USP25: variants seen among roughly 807,000 people sequenced by gnomAD.
USP25 encodes ubiquitin carboxyl-terminal hydrolase 25.
USP25 carries 85 observed loss-of-function variants against 158.5 expected under a neutral mutation model. The observed-to-expected ratio is 0.54, with a 90% CI of 0.45 to 0.64. The LOEUF (loss-of-function observed/expected upper bound fraction) is 0.64. Ranked by LOEUF, USP25 falls within the 30% of genes least tolerant of loss-of-function variation. USP25 has a pLI of 0.00. For synonymous variants in USP25, 464 were observed against 460.4 expected, an observed-to-expected ratio of 1.01 and a Z score of -0.10; for missense variants, 1,242 against 1,327.3, an observed-to-expected ratio of 0.94 and a Z score of 1.00.
chr21:15,859,341 C>T (rs1438156808), intron 20 of USP25, among the ~76,000 whole-genome samples: 1 of 151,736 alleles, frequency 6.6e-6, no homozygotes, highest in African/African-American at 2.4e-5. Flanking sequence ...TACAGGCTCC[C>T]GCCACCACGC....
At chr21:15,792,457 T>C (rs1237182877) in intron 5 of USP25, among the ~76,000 whole-genome samples, 1 of 151,722 alleles carries the variant, frequency 6.6e-6, no homozygotes, top group Non-Finnish European at 1.5e-5. Context: ...TTTGTGTTCG[T>C]TTTTGTGTGA....
chr21:15,842,767 A>C (rs1205419146), intron 18 of USP25, among the ~76,000 whole-genome samples: 1 of 152,200 alleles, frequency 6.6e-6, no homozygotes, highest in Non-Finnish European at 1.5e-5. Context: ...TCTGCTAGAG[A>C]ATTCTAATGA....
intron 1 of USP25, among the ~76,000 whole-genome samples, chr21:15,748,443 G>T (rs2123288810): frequency 6.9e-6 from 1 of 144,078 alleles, no homozygotes; most frequent in South Asian, 2.2e-4. Context: ...CATCCACCCA[G>T]CTACTTTTTA....
Position 15,875,950 on chromosome 21 carries a change from A to G in USP25, c.3009+1424A>G, listed in dbSNP as rs905918557. On this transcript the variant is annotated intron_variant, in intron 24 of 25. Transcript: ENST00000400183. The surrounding 1 kb of genome is among the most constrained non-coding windows in gnomAD (Gnocchi z 4.7). ...GAAGTAGATTGAAGTCAAGAACCTT[A>G]GAGGGGAAAGTCAAGGGACGGAGAG... The G allele has an allele frequency of 1.3e-5, 2 of 152,374 alleles. No individual in the cohort carries two copies. Among genetic ancestry groups the G allele is most frequent in the African/African-American group, 2.4e-5 (1 of 41,578 alleles). The allele number at this position is 152,374 out of a possible 1,614,324, so 9.4% of individuals were successfully genotyped here.
At position 15,878,520 on chromosome 21, in the gene USP25, C is replaced by T. The variant is rs770461737; in HGVS notation, c.*45C>T. 1.3e-6 allele frequency: 2 copies of T among 1,552,008 alleles called. No homozygotes were observed. Among genetic ancestry groups the T allele is most frequent in the African/African-American group, 1.4e-5 (1 of 72,696 alleles). ...CACACTGTATAAACTCTTTTTAGTT[C>T]TTAACCCTTGCCTTCCTGTCACAGG... On this transcript the variant is annotated 3_prime_UTR_variant, in exon 26 of 26. Transcript: ENST00000400183.
In USP25 at chr21:15,790,782, A is replaced by G. The variant is rs2035549303; in HGVS notation, c.393-720A>G. Among the ~76,000 whole-genome samples the G allele has an allele frequency of 3.3e-5, 5 of 151,936 alleles. No individual in the cohort carries two copies. In the South Asian group the frequency reaches 1.0e-3, roughly 31 times the overall value. ...ATTATACTTATGTTGTTGCATGCTC[A>G]GGAGCAAGAAACATCATTAAAGTAG... On this transcript the variant is annotated intron_variant, in intron 4 of 25. Coordinates refer to ENST00000400183, the MANE Select transcript of USP25 (RefSeq NM_001283041.3).
chr21:15,760,976 G>GCAGT (rs1414546451), intron 1 of USP25, among the ~76,000 whole-genome samples: 5 of 152,218 alleles, frequency 3.3e-5, no homozygotes. Flanking sequence ...GGTATGGGAT[G>GCAGT]CAGTCAGTTC....
At chr21:15,748,845 G>A (rs751688697) in intron 1 of USP25, among the ~76,000 whole-genome samples, 2 of 152,130 alleles carry the variant, frequency 1.3e-5, no homozygotes, top group Non-Finnish European at 2.9e-5. Context: ...ATCGGTATAT[G>A]TATTTCAGGA....
intron 14 of USP25, among the ~76,000 whole-genome samples, chr21:15,828,122 T>C (rs2037617777): frequency 1.3e-5 from 2 of 152,174 alleles, no homozygotes; most frequent in South Asian, 4.1e-4. Flanking sequence ...TAACTCTTTA[T>C]AGACAATATT....
intron 1 of USP25, among the ~76,000 whole-genome samples, chr21:15,759,382 A>T (rs2033590467): frequency 1.3e-5 from 2 of 152,192 alleles, no homozygotes; most frequent in South Asian, 4.1e-4. Flanking sequence ...CAGCCTCAGG[A>T]TGTCCTGACA....
rs1171865468 is a variant in USP25, at chr21:15,816,930, G to A, written c.932-1768G>A. Among the ~76,000 whole-genome samples the A allele has an allele frequency of 2.6e-5, 4 of 152,120 alleles. No individual in the cohort carries two copies. Among genetic ancestry groups the A allele is most frequent in the South Asian group, 4.2e-4 (2 of 4,806 alleles). On this transcript the variant is annotated intron_variant, in intron 9 of 25. Coordinates refer to ENST00000400183, the MANE Select transcript of USP25 (RefSeq NM_001283041.3). The surrounding 1 kb of genome is among the most constrained non-coding windows in gnomAD (Gnocchi z 4.0). ...GTGGATCACTTGAGGTCAGGAGTTC[G>A]AGACCAGCCTGGCCAACATGGTGAA...
In USP25 at chr21:15,794,348, T is replaced by C. The variant is rs116787529; in HGVS notation, c.555+2684T>C. Among the ~76,000 whole-genome samples, 359 of 151,830 alleles carry C rather than the reference T, an allele frequency of 2.4e-3. 5 individuals are homozygous for C. Among genetic ancestry groups the C allele is most frequent in the African/African-American group, 8.4e-3 (347 of 41,484 alleles). ...TACAGATAATGGCTTAAATAATCTT[T>C]TGGCTGCTGGCAACATTAGCCTGTC... On this transcript the variant is annotated intron_variant, in intron 5 of 25. Coordinates refer to ENST00000400183, the MANE Select transcript of USP25 (RefSeq NM_001283041.3).
At chr21:15,791,312 A>T (rs367687694) in intron 4 of USP25, among the ~76,000 whole-genome samples, 190 bp from the exon 5 acceptor site, 1 of 151,892 alleles carries the variant, frequency 6.6e-6, no homozygotes, top group Non-Finnish European at 1.5e-5. Flanking sequence ...TCTTAGGAAA[A>T]AAGACTATAC....
chr21:15,869,169 G>C (rs1046619545), intron 22 of USP25, among the ~76,000 whole-genome samples: 4 of 151,336 alleles, frequency 2.6e-5, no homozygotes, highest in African/African-American at 9.7e-5. Flanking sequence ...GATTGCTGGA[G>C]CCCAGAAGGT....
intron 6 of USP25, among the ~76,000 whole-genome samples, chr21:15,804,146 C>T (rs975832179): frequency 9.2e-5 from 14 of 151,758 alleles, no homozygotes; most frequent in Non-Finnish European, 2.1e-4. Context: ...TTTTAAAATA[C>T]ATTGTTAGTG....
chr21:15,849,852 C>T lies in USP25; in HGVS notation c.2527C>T (p.Pro843Ser). 12 of 1,522,788 alleles carry T rather than the reference C, an allele frequency of 7.9e-6. No homozygotes were observed. Among genetic ancestry groups the T allele is most frequent in the Non-Finnish European group, 1.1e-5 (12 of 1,133,944 alleles). 94.3% of individuals were successfully genotyped at this position (1,522,788 alleles called of 1,614,324 possible). Reference sequence around the variant, plus strand: ...CAGGAGTGTATATGACAGGTGTGGCCCTGAAGCAGGGTTCTTTAAGGTACA... The same window carrying T: ...CAGGAGTGTATATGACAGGTGTGGCTCTGAAGCAGGGTTCTTTAAGGTACA... Reference protein sequence around the residue: ...KSRSVYDRCGPEAGFFKAIKL... With the variant: ...KSRSVYDRCGSEAGFFKAIKL... Residue 843 changes from proline to serine, a missense_variant, in exon 20 of 26, where the codon CCT becomes TCT. Physicochemically the swap from Pro to Ser is moderately conservative, Grantham distance 74. Transcript: ENST00000400183.
intron 9 of USP25, among the ~76,000 whole-genome samples, chr21:15,815,156 G>A (rs1201000208): frequency 6.6e-6 from 1 of 152,174 alleles, no homozygotes; most frequent in Non-Finnish European, 1.5e-5. Context: ...CCTTCCACGT[G>A]GTGTTGAGCC....
At chr21:15,762,373 A>G (rs1483880026) in intron 1 of USP25, among the ~76,000 whole-genome samples, 6 of 152,156 alleles carry the variant, frequency 3.9e-5, no homozygotes, top group Non-Finnish European at 8.8e-5. Flanking sequence ...AATAGCATAT[A>G]AAGAACTGAA....
intron 24 of USP25, chr21:15,876,966 T>A (rs534540357): frequency 1.3e-5 from 2 of 152,248 alleles, no homozygotes; most frequent in Non-Finnish European, 2.9e-5. Flanking sequence ...TTATCTCTTA[T>A]GTTTCTTATT....
Sources: allele counts gnomAD v4.1 joint callset (sites outside exome capture counted in the v4.1 genomes callset), GRCh38; gene constraint gnomAD v4.1.1; non-coding constraint Gnocchi (gnomAD v3.1); transcripts MANE v1.5; gene names NCBI Gene and HGNC (gene_info 2026-07-23, HGNC 2026-07-21).